CPNE4: variants seen among roughly 807,000 people sequenced by gnomAD.
CPNE4 encodes the protein copine 4, also known as copine-4.
In CPNE4, 25 loss-of-function variants were observed where a neutral mutation model predicts 67.9. The ratio of observed to expected loss-of-function variants is 0.37; its 90% confidence interval spans 0.27 to 0.51. The LOEUF is 0.51. Among genes scored for constraint, CPNE4 ranks in the 20% least tolerant of loss-of-function variants. The pLI, the probability that CPNE4 is intolerant of heterozygous loss-of-function variation, is 0.93. For synonymous variants in CPNE4, 242 were observed against 244.9 expected (o/e 0.99, Z 0.11); for missense variants, 464 against 690.8 (o/e 0.67, Z 3.68).
rs566738990 is a variant in CPNE4, at chr3:131,861,171, G to A, written c.180+44093C>T. On this transcript the variant is annotated intron_variant, in intron 2 of 15. Coordinates refer to ENST00000429747, the MANE Select transcript of CPNE4 (RefSeq NM_130808.3). Reference sequence around the variant, plus strand: ...TCAAACATTCCTTATTGAAGACATTGTTATAGGCTTGGTTCAGTTCCATTT... The same window carrying A: ...TCAAACATTCCTTATTGAAGACATTATTATAGGCTTGGTTCAGTTCCATTT... Among the ~76,000 whole-genome samples the A allele has an allele frequency of 3.7e-4, 56 of 152,262 alleles. No homozygotes were observed. The South Asian group carries it at 3.7e-3, about 10-fold the overall frequency.
At chr3:131,805,160 C>G (rs1209492770) in intron 2 of CPNE4, among the ~76,000 whole-genome samples, 1 of 152,194 alleles carries the variant, frequency 6.6e-6, no homozygotes, top group African/African-American at 2.4e-5. Context: ...GAATCATACA[C>G]TACCTGCTGC....
At chr3:131,779,456 A>C (rs2107850296) in intron 2 of CPNE4, among the ~76,000 whole-genome samples, 1 of 152,240 alleles carries the variant, frequency 6.6e-6, no homozygotes, top group South Asian at 2.1e-4. Context: ...CAGTAACTAA[A>C]ATGGCATGGT....
At chr3:131,660,465 A>G (rs2107641004) in intron 7 of CPNE4, among the ~76,000 whole-genome samples, 1 of 152,298 alleles carries the variant, frequency 6.6e-6, no homozygotes, top group Non-Finnish European at 1.5e-5. Flanking sequence ...GACTGAAAAT[A>G]AGAAGGAGGC....
chr3:131,848,666 CA>C (rs10565807), intron 2 of CPNE4, among the ~76,000 whole-genome samples: 36,487 of 139,830 alleles, frequency 0.26, 4,599 homozygotes, highest in Middle Eastern at 0.3. Flanking sequence ...AATGTGCATC[CA>C]AAAAAAAAAA....
intron 10 of CPNE4, among the ~76,000 whole-genome samples, chr3:131,567,987 T>C (rs1029930670): frequency 1.3e-5 from 2 of 151,998 alleles, no homozygotes; most frequent in Admixed American, 1.3e-4. Context: ...CCTACGTCTA[T>C]GACAACGAGA....
chr3:131,858,892 T>G (rs2107661893), intron 2 of CPNE4, among the ~76,000 whole-genome samples: 1 of 152,206 alleles, frequency 6.6e-6, no homozygotes, highest in South Asian at 2.1e-4. Flanking sequence ...ACTCCTTCCC[T>G]CTTAAGCAGT....
At chr3:131,897,964 G>A (rs991645451) in intron 2 of CPNE4, among the ~76,000 whole-genome samples, 1 of 151,898 alleles carries the variant, frequency 6.6e-6, no homozygotes, top group African/African-American at 2.4e-5. Context: ...AGATAGTTTT[G>A]ATAATTAAAT....
chr3:131,978,058 A>AATACATATAAATATATATAAAT (rs1560719710), intron 1 of CPNE4, among the ~76,000 whole-genome samples: 3 of 72,510 alleles, frequency 4.1e-5, no homozygotes, highest in Admixed American at 4.8e-4. Flanking sequence ...GATATATATA[A>AATACATATAAATATATATAAAT]ATATATATAA....
chr3:131,801,448 GTGTGTA>G (rs1465378199), intron 2 of CPNE4, among the ~76,000 whole-genome samples: 13 of 59,820 alleles, frequency 2.2e-4, no homozygotes, highest in African/African-American at 8.1e-4. Context: ...GTGTGTGTGT[GTGTGTA>G]TATATATATA....
At chr3:131,682,085 C>T (rs1038301535) in intron 6 of CPNE4, among the ~76,000 whole-genome samples, 1 of 151,944 alleles carries the variant, frequency 6.6e-6, no homozygotes, top group Non-Finnish European at 1.5e-5. Context: ...ATTTTGAATC[C>T]TCTATCTGAA....
chr3:131,537,397 C>T (rs1473173170), intron 15 of CPNE4, among the ~76,000 whole-genome samples: 1 of 151,324 alleles, frequency 6.6e-6, no homozygotes, highest in African/African-American at 2.4e-5. Flanking sequence ...AATTCTCCTG[C>T]TTCAGCCTCC....
chr3:131,660,418 G>A (rs749821911), intron 7 of CPNE4, among the ~76,000 whole-genome samples: 3 of 152,108 alleles, frequency 2.0e-5, no homozygotes, highest in South Asian at 4.1e-4. Context: ...AGGATGATGT[G>A]TTTTGAAGAA....
chr3:131,779,562 C>T (rs2083381918), intron 2 of CPNE4, among the ~76,000 whole-genome samples: 1 of 151,850 alleles, frequency 6.6e-6, no homozygotes. Flanking sequence ...TCAACAAAGC[C>T]AACAATAGCA....
rs1560268962 is a variant in CPNE4 at position 131,766,540 on chromosome 3, AG to A, written c.181-42916del. Among the ~76,000 whole-genome samples the A allele has an allele frequency of 7.9e-5, 12 of 152,266 alleles. No individual in the cohort carries two copies. In the South Asian group the frequency reaches 2.5e-3, roughly 32 times the overall value. ...CTACCAATTTGAAGTCACTGAACTC[AG>A]AATAGGGAAGAGATGGGCACAATTG... On this transcript the variant is annotated intron_variant, in intron 2 of 15. Transcript: ENST00000429747.
intron 2 of CPNE4, among the ~76,000 whole-genome samples, chr3:131,891,954 G>A (rs577406563): frequency 6.6e-6 from 1 of 152,018 alleles, no homozygotes; most frequent in Non-Finnish European, 1.5e-5. Context: ...AATAACTGAA[G>A]AAGTACACTG....
chr3:131,889,696 C>T (rs561413412), intron 2 of CPNE4, among the ~76,000 whole-genome samples: 5 of 152,180 alleles, frequency 3.3e-5, no homozygotes, highest in Non-Finnish European at 7.4e-5. Context: ...AAAGTTCTGT[C>T]ATTTACTGTA....
At chr3:131,715,712 A>T (rs1363841251) in intron 3 of CPNE4, among the ~76,000 whole-genome samples, 1 of 152,220 alleles carries the variant, frequency 6.6e-6, no homozygotes, top group Admixed American at 6.5e-5. Flanking sequence ...ACTCAGTTCC[A>T]CTGTCTTTGG....
chr3:131,879,893 C>G (rs2087604775), intron 2 of CPNE4, among the ~76,000 whole-genome samples: 2 of 152,212 alleles, frequency 1.3e-5, no homozygotes, highest in Middle Eastern at 6.8e-3. Context: ...AGACTCATTA[C>G]CAAAGATCTA....
intron 7 of CPNE4, among the ~76,000 whole-genome samples, chr3:131,596,319 G>A (rs1938851698): frequency 6.6e-6 from 1 of 152,202 alleles, no homozygotes; most frequent in African/African-American, 2.4e-5. Flanking sequence ...TTTCAAAAAA[G>A]CTGTTAAAAA....
Sources: allele counts gnomAD v4.1 joint callset (sites outside exome capture counted in the v4.1 genomes callset), GRCh38; gene constraint gnomAD v4.1.1; transcripts MANE v1.5; gene names NCBI Gene and HGNC (gene_info 2026-07-23, HGNC 2026-07-21).